The following KIF9 variants were observed in gnomAD, a reference collection of about 807,000 sequenced individuals.
KIF9 encodes the protein kinesin family member 9.
KIF9 carries 68 observed loss-of-function variants against 94.8 expected under a neutral mutation model. The observed-to-expected ratio is 0.72, with a 90% CI of 0.59 to 0.88. The LOEUF (loss-of-function observed/expected upper bound fraction) is 0.88, where lower values mean the gene tolerates loss of function less well. Among genes scored for constraint, KIF9 ranks in the 40% least tolerant of loss-of-function variants. KIF9 has a pLI of 0.00. For synonymous variants in KIF9, 343 were observed against 362.1 expected (o/e 0.95, Z 0.60); for missense variants, 882 against 982.5 (o/e 0.90, Z 1.37).
chr3:47,263,988 C>A (rs1701136907), intron 9 of KIF9: 5 of 517,256 alleles, frequency 9.7e-6, no homozygotes, highest in South Asian at 4.6e-5. Flanking sequence ...AGGAGCAGCA[C>A]CCCAGGAAAC....
Position 47,271,343 on chromosome 3 carries a change from GA to G in KIF9, c.484del (p.Ser162GlnfsTer5). 1 of 1,613,936 alleles carries G rather than the reference GA, an allele frequency of 6.2e-7. No individual in the cohort carries two copies. Among genetic ancestry groups the G allele is most frequent in the Non-Finnish European group, 8.5e-7 (1 of 1,179,916 alleles). On this transcript the variant is annotated frameshift_variant, in exon 5 of 21. Transcript: ENST00000684063. LOFTEE classifies it high-confidence loss of function. ...LLSTLPYVGP[S>X]VTPMTIVENP... ...TTCCACGATGGTCATTGGTGTGACT[GA>G]GGGTCCAACATAGGGCAGAGTGGAC...
intron 16 of KIF9, among the ~76,000 whole-genome samples, chr3:47,242,181 T>A (rs1699617059): frequency 6.6e-6 from 1 of 152,156 alleles, no homozygotes; most frequent in Non-Finnish European, 1.5e-5. Flanking sequence ...TGCCTGGCCT[T>A]TTTGATATAT....
At chr3:47,234,665 C>T (rs1482462948) in intron 20 of KIF9, among the ~76,000 whole-genome samples, 1 of 151,056 alleles carries the variant, frequency 6.6e-6, no homozygotes, top group Non-Finnish European at 1.5e-5. Flanking sequence ...AGCGATTCTC[C>T]TGCCTCAGCC....
chr3:47,236,000 A>G, intron 19 of KIF9, 34 bp downstream of exon 19: 1 of 1,501,808 alleles, frequency 6.7e-7, no homozygotes, highest in Non-Finnish European at 9.3e-7. Context: ...CCCATGTTCA[A>G]CCACTGCCAC....
chr3:47,280,400 C>T (rs1157257761), intron 1 of KIF9, among the ~76,000 whole-genome samples: 1 of 152,222 alleles, frequency 6.6e-6, no homozygotes, highest in African/African-American at 2.4e-5. Context: ...AAGAGTAGCA[C>T]AGGCCAGTTC....
chr3:47,235,344 T>C (rs1698940864), intron 20 of KIF9, among the ~76,000 whole-genome samples, 169 bp downstream of exon 20: 1 of 152,090 alleles, frequency 6.6e-6, no homozygotes, highest in Non-Finnish European at 1.5e-5. Flanking sequence ...TCCTCTAGGG[T>C]CCAGCCCAAT....
intron 10 of KIF9, among the ~76,000 whole-genome samples, chr3:47,255,158 T>G (rs565062827): frequency 6.6e-6 from 1 of 152,170 alleles, no homozygotes; most frequent in Non-Finnish European, 1.5e-5. Context: ...AAAGCCAAAT[T>G]AACAATAAAT....
chr3:47,245,646 A>G lies in KIF9; in HGVS notation c.1290-135T>C, dbSNP rs1699874079. ...GGGCCACACCTTCATCATGAACCAG[A>G]CCAGACAAAAGGACAAAGGACTCAC... On this transcript the variant is annotated intron_variant, in intron 13 of 20. Transcript: ENST00000684063. 4.4e-6 allele frequency: 3 copies of G among 685,374 alleles called. No individual in the cohort carries two copies. The Admixed American group carries it at 7.2e-5, about 16-fold the overall frequency. 42.5% of individuals were successfully genotyped at this position (685,374 alleles called of 1,614,324 possible). A position where few individuals can be genotyped will look rare whatever the true frequency, so the allele number is the denominator to read the frequency against.
intron 20 of KIF9, 24 bp downstream of exon 20, chr3:47,235,489 T>C: frequency 7.9e-6 from 12 of 1,528,426 alleles, no homozygotes; most frequent in African/African-American, 1.4e-5. Flanking sequence ...CCCATCCTCC[T>C]GGAGACATAG....
chr3:47,265,704 C>A (rs1701247374), intron 8 of KIF9, 26 bp downstream of exon 8: 1 of 1,611,254 alleles, frequency 6.2e-7, no homozygotes, highest in African/African-American at 1.3e-5. Context: ...GACCCTCCTC[C>A]CTGGGCAGCA....
At chr3:47,246,299 G>A in intron 12 of KIF9, 47 bp from the exon 13 acceptor site, 1 of 1,500,626 alleles carries the variant, frequency 6.7e-7, no homozygotes, top group Non-Finnish European at 9.2e-7. Flanking sequence ...GGCACCTCGA[G>A]GGACCAGGGG....
chr3:47,236,089 T>C lies in KIF9; in HGVS notation c.2162A>G (p.Lys721Arg). 2 of 1,614,186 alleles carry C rather than the reference T, an allele frequency of 1.2e-6. No individual in the cohort carries two copies. Among genetic ancestry groups the C allele is most frequent in the Non-Finnish European group, 1.7e-6 (2 of 1,180,022 alleles). ...GCCTGGCCGGATGCTGCCGCCTGGC[T>C]TCAGTGCCATCTGCATGTCCTCAGG... ...VIPEDMQMAL[K>R]PGGSIRPGMV... The change falls in exon 19 of 21, where the codon AAG (lysine) becomes AGG (arginine). Residue 721 changes from lysine (K) to arginine (R), a missense_variant. Physicochemically the swap from Lys to Arg is conservative, Grantham distance 26. Transcript: ENST00000684063.
At chr3:47,263,474 C>T (rs1701106585) in intron 9 of KIF9, among the ~76,000 whole-genome samples, 1 of 152,182 alleles carries the variant, frequency 6.6e-6, no homozygotes, top group South Asian at 2.1e-4. Flanking sequence ...TCAGCCAGGA[C>T]ACCAGAGCCG....
At position 47,236,519 on chromosome 3, in the gene KIF9, C is replaced by G. The variant is rs781574348; in HGVS notation, c.2025G>C (p.Gln675His). Residue 675 changes from glutamine to histidine, a missense_variant, in exon 18 of 21, where the codon CAG becomes CAC. Physicochemically the swap from Gln to His is conservative, Grantham distance 24. Coordinates refer to ENST00000684063, the MANE Select transcript of KIF9 (RefSeq NM_182902.4). ...TCTCAGCCCTGAGGTCACGCAGGTC[C>G]TGGTACTCGCTGCGGTACTGCTTCT... ...DLKKQYRSEY[Q>H]DLRDLRAEIQ... 6.2e-7 allele frequency: 1 copy of G among 1,614,014 alleles called. No homozygotes were observed. Among genetic ancestry groups the G allele is most frequent in the Non-Finnish European group, 8.5e-7 (1 of 1,179,992 alleles).
intron 17 of KIF9, among the ~76,000 whole-genome samples, chr3:47,237,567 A>G (rs1409657140): frequency 6.6e-6 from 1 of 152,182 alleles, no homozygotes; most frequent in Non-Finnish European, 1.5e-5. Flanking sequence ...GTGCAAAGCC[A>G]TTCACCCTGC....
chr3:47,271,385 C>T lies in KIF9; in HGVS notation c.443G>A (p.Ser148Asn), dbSNP rs1407423210. 6.2e-7 allele frequency: 1 copy of T among 1,613,956 alleles called. No homozygotes were observed. Among genetic ancestry groups the T allele is most frequent in the Admixed American group, 1.7e-5 (1 of 60,008 alleles). ...CAGAGTGGACAGGAGATCAAACAGGCTCTCATTATAGATTTCCAAGTAGGA... is the reference window on the plus strand; with the variant it reads ...CAGAGTGGACAGGAGATCAAACAGGTTCTCATTATAGATTTCCAAGTAGGA... ...RVSYLEIYNESLFDLLSTLPY... is the reference protein window; with the variant it reads ...RVSYLEIYNENLFDLLSTLPY... The change falls in exon 5 of 21, where the codon AGC (serine) becomes AAC (asparagine). Residue 148 changes from serine to asparagine, a missense_variant. Coordinates refer to ENST00000684063, the MANE Select transcript of KIF9 (RefSeq NM_182902.4).
In KIF9 at chr3:47,267,213, G is replaced by T; in HGVS notation, c.642C>A (p.Ser214=). ...IASHTMNKNS[S]RSHCIFTIYL... ...AGATGGTGAAAATGCAGTGTGATCT[G>T]GAAGAGTTTTTGTTCATAGTGTGGG... The change falls in exon 6 of 21, where the codon TCC becomes TCA. Residue 214 remains serine (S), a synonymous_variant. Transcript: ENST00000684063. 6.2e-7 allele frequency: 1 copy of T among 1,613,772 alleles called. No homozygotes were observed. The highest frequency in any genetic ancestry group is 8.5e-7 in the Non-Finnish European group (1 of 1,179,738).
At chr3:47,259,452 T>G (rs1700824955) in intron 9 of KIF9, among the ~76,000 whole-genome samples, 1 of 152,194 alleles carries the variant, frequency 6.6e-6, no homozygotes, top group Non-Finnish European at 1.5e-5. Context: ...ATCCAACATC[T>G]GGGGCCTGGA....
At chr3:47,241,623 T>C (rs1470888578) in intron 16 of KIF9, among the ~76,000 whole-genome samples, 1 of 150,390 alleles carries the variant, frequency 6.6e-6, no homozygotes, top group East Asian at 2.0e-4. Context: ...TGCCTGGCCC[T>C]GGATTTCATA....
Sources: gnomAD v4.1 joint callset for allele counts (sites outside exome capture counted in the v4.1 genomes callset) on GRCh38, gnomAD v4.1.1 for gene constraint, MANE v1.5 for transcripts, NCBI Gene and HGNC (gene_info 2026-07-23, HGNC 2026-07-21) for gene names.